ECHDC2: variants seen among roughly 807,000 people sequenced by gnomAD.
ECHDC2 encodes enoyl-CoA hydratase domain-containing protein 2, mitochondrial.
A neutral mutation model predicts 40.6 loss-of-function variants in ECHDC2; 34 were observed. The ratio of observed to expected loss-of-function variants is 0.84; its 90% CI spans 0.64 to 1.11. ECHDC2 has a LOEUF of 1.11. ECHDC2 is among the 50% of genes most tolerant of loss of function. The pLI is 0.00. For synonymous variants in ECHDC2, 162 were observed against 166.6 expected (o/e 0.97, Z 0.21); for missense variants, 392 against 400.7 (o/e 0.98, Z 0.19).
intron 1 of ECHDC2, chr1:52,921,324 C>G: frequency 9.6e-7 from 1 of 1,041,772 alleles, no homozygotes; most frequent in South Asian, 2.0e-5. Context: ...CCCAAAGGGC[C>G]TTTGAAGAGA....
rs1649285759 is a variant in ECHDC2, at chr1:52,910,776, G to A, written c.277+790C>T. 2.0e-5 allele frequency among the ~76,000 whole-genome samples: 3 copies of A among 152,232 alleles called. No homozygotes were observed. The South Asian group carries it at 6.2e-4, about 32-fold the overall frequency. ...CTGAGAGGTCAAAGGTCAAGTAAAC[G>A]AGAACGGAAGTGAGCACAAGATACG... On this transcript the variant is annotated intron_variant, in intron 3 of 9. Coordinates refer to ENST00000371522, the MANE Select transcript of ECHDC2 (RefSeq NM_001198961.2).
At chr1:52,915,663 CA>C in intron 1 of ECHDC2, among the ~76,000 whole-genome samples, 1 of 152,300 alleles carries the variant, frequency 6.6e-6, no homozygotes, top group Non-Finnish European at 1.5e-5. Flanking sequence ...CCACAAACTT[CA>C]GAGCAGTCTA....
chr1:52,911,810 C>T lies in ECHDC2; in HGVS notation c.122-20G>A. Reference sequence around the variant, plus strand: ...TGATCCCTGTAAGGAGTCAGGGCAGCCACGGGAAAGCAGCTGGCTCTGCCT... The same window carrying T: ...TGATCCCTGTAAGGAGTCAGGGCAGTCACGGGAAAGCAGCTGGCTCTGCCT... On this transcript the variant is annotated intron_variant, in intron 1 of 9. Transcript: ENST00000371522. The T allele has an allele frequency of 6.2e-7, 1 of 1,613,324 alleles. No individual in the cohort carries two copies. The highest frequency in any genetic ancestry group is 8.5e-7 in the Non-Finnish European group (1 of 1,179,854).
At chr1:52,916,226 GGTAGTAATAGAAA>G (rs1393401022) in intron 1 of ECHDC2, among the ~76,000 whole-genome samples, 4 of 152,214 alleles carry the variant, frequency 2.6e-5, no homozygotes, top group African/African-American at 9.6e-5. Context: ...TCATTTGTTA[GGTAGTAATAGAAA>G]GCTGATATAG....
At chr1:52,900,171 C>CA (rs1646900513) in intron 7 of ECHDC2, 2 of 152,142 alleles carry the variant, frequency 1.3e-5, no homozygotes, top group African/African-American at 4.8e-5. Context: ...GCTTGAAAGG[C>CA]AAATCAAAAC....
At chr1:52,913,336 T>C (rs1054344388) in intron 1 of ECHDC2, 3 of 152,216 alleles carry the variant, frequency 2.0e-5, no homozygotes, top group Non-Finnish European at 2.9e-5. Context: ...ACAGCCAAGC[T>C]TCTTGGTAGT....
chr1:52,911,941 G>T, intron 1 of ECHDC2, 151 bp from the exon 2 acceptor site: 14 of 1,447,580 alleles, frequency 9.7e-6, no homozygotes, highest in South Asian at 4.2e-5. Flanking sequence ...ACTCAGGCAG[G>T]CCTCAATTTT....
chr1:52,907,795 TG>T, intron 4 of ECHDC2, 72 bp downstream of exon 4: 1 of 1,281,946 alleles, frequency 7.8e-7, no homozygotes, highest in Non-Finnish European at 1.1e-6. Flanking sequence ...CCTTAGATGC[TG>T]GTGGGGGTAG....
chr1:52,903,567 A>G (rs1031258469), intron 7 of ECHDC2, among the ~76,000 whole-genome samples: 2 of 151,826 alleles, frequency 1.3e-5, no homozygotes, highest in East Asian at 3.9e-4. Context: ...TTTTTCCCAA[A>G]TAACTGGGAT....
At chr1:52,911,452 C>A (rs1240201036) in intron 3 of ECHDC2, 114 bp downstream of exon 3, 36 of 998,158 alleles carry the variant, frequency 3.6e-5, no homozygotes, top group Non-Finnish European at 5.3e-5. Flanking sequence ...GCATTCACAT[C>A]GGTAAAATGG....
At chr1:52,898,688 G>T (rs1571906511) in intron 8 of ECHDC2, 1 of 186,326 alleles carries the variant, frequency 5.4e-6, no homozygotes, top group East Asian at 1.6e-4. Context: ...CCAGTTCCCA[G>T]CTTTGTTCTG....
At chr1:52,897,946 T>G (rs1447983210) in intron 8 of ECHDC2, 2 of 218,592 alleles carry the variant, frequency 9.1e-6, no homozygotes, top group South Asian at 8.2e-5. Flanking sequence ...CACAACAGTA[T>G]GTGGAAGAGC....
At chr1:52,917,760 T>C (rs1009413055) in intron 1 of ECHDC2, 2 of 417,746 alleles carry the variant, frequency 4.8e-6, no homozygotes, top group Admixed American at 2.5e-5. Context: ...AGTGACACCA[T>C]AGCTGTCATA....
At chr1:52,917,160 T>G (rs991483680) in intron 1 of ECHDC2, among the ~76,000 whole-genome samples, 3 of 149,770 alleles carry the variant, frequency 2.0e-5, no homozygotes, top group African/African-American at 7.4e-5. Context: ...AGGCAGAGGC[T>G]GCAGTGGGCC....
In ECHDC2 at chr1:52,899,423, G is replaced by C; in HGVS notation, c.703-199C>G. ...TCTATCATGAAAGAAGCCAGACTCT[G>C]ATCCCTGAACACCTGGGTTTCTTGT... On this transcript the variant is annotated intron_variant, in intron 7 of 9. Transcript: ENST00000371522. 5.0e-6 allele frequency: 3 copies of C among 599,234 alleles called. No homozygotes were observed. The South Asian group carries it at 6.2e-5, about 12-fold the overall frequency. The allele number at this position is 599,234 out of a possible 1,614,324, so 37.1% of individuals were successfully genotyped here. A position where few individuals can be genotyped will look rare whatever the true frequency, so the allele number is the denominator to read the frequency against.
rs140751809 is a variant in ECHDC2 at position 52,909,972 on chromosome 1, ATTACAATAGAATG to A, written c.277+1581_277+1593del. Among the ~76,000 whole-genome samples, 1,385 of 152,314 alleles carry A rather than the reference ATTACAATAGAATG, an allele frequency of 9.1e-3. 87 individuals are homozygous for A. The East Asian group carries it at 0.19, about 21-fold the overall frequency. On this transcript the variant is annotated intron_variant, in intron 3 of 9. Coordinates refer to ENST00000371522, the MANE Select transcript of ECHDC2 (RefSeq NM_001198961.2). ...GTATATATACAATAGAATGCTACTC[ATTACAATAGAATG>A]TTACTCCATAAAAAGGAATGGAGTT...
At position 52,911,615 on chromosome 1, in the gene ECHDC2, T is replaced by C. The variant is rs1292981683; in HGVS notation, c.228A>G (p.Gln76=). Residue 76 remains glutamine (Q), a synonymous_variant, in exon 3 of 10, where the codon CAA becomes CAG. Transcript: ENST00000371522. ...CACTTCTGAAGAGCAGGACACGCAC[T>C]TGCCGGTCCTCCCGCAGCTGGGCCA... The part of the protein sequence containing the change: ...ETLAQLREDR[Q]VRVLLFRSGV... 1.2e-6 allele frequency: 2 copies of C among 1,614,062 alleles called. No individual in the cohort carries two copies. The highest frequency in any genetic ancestry group is 1.7e-6 in the Non-Finnish European group (2 of 1,180,038).
chr1:52,904,568 G>T, intron 7 of ECHDC2, 78 bp downstream of exon 7: 1 of 1,324,804 alleles, frequency 7.5e-7, no homozygotes, highest in African/African-American at 1.5e-5. Context: ...TGGATGTGCA[G>T]CCCAAGGGGA....
Position 52,914,052 on chromosome 1 carries a change from G to A in ECHDC2, c.122-2262C>T, listed in dbSNP as rs1650145178. The A allele has an allele frequency of 9.4e-7, 1 of 1,059,816 alleles. No homozygotes were observed. The highest frequency in any genetic ancestry group is 1.3e-5 in the South Asian group (1 of 75,748). 65.7% of individuals were successfully genotyped at this position (1,059,816 alleles called of 1,614,324 possible). A position where few individuals can be genotyped will look rare whatever the true frequency, so the allele number is the denominator to read the frequency against. On this transcript the variant is annotated intron_variant, in intron 1 of 9. Coordinates refer to ENST00000371522, the MANE Select transcript of ECHDC2 (RefSeq NM_001198961.2). This position sits in a 1 kb window ranked among gnomAD's most constrained non-coding sequence, Gnocchi z 4.0. ...GCCTCTACTAGACACCGTGATTCCA[G>A]AGACCAGGACAGACTCAAGGCCTGT... is the stretch of plus-strand genomic sequence containing the variant.
Sources: allele counts gnomAD v4.1 joint callset (sites outside exome capture counted in the v4.1 genomes callset), GRCh38; gene constraint gnomAD v4.1.1; non-coding constraint Gnocchi (gnomAD v3.1); transcripts MANE v1.5; gene names NCBI Gene and HGNC (gene_info 2026-07-23, HGNC 2026-07-21).